Variants in TOX observed in about 807,000 individuals in gnomAD.
TOX encodes thymocyte selection-associated high mobility group box protein TOX.
Under a neutral mutation model 53.7 loss-of-function variants are expected in TOX, and 11 were observed. The observed-to-expected ratio is 0.20, with a 90% confidence interval of 0.13 to 0.34. The LOEUF is 0.34. Among genes scored for constraint, TOX ranks in the 10% least tolerant of loss-of-function variants. The pLI, the probability that TOX is intolerant of heterozygous loss-of-function variation, is 1.00. For synonymous variants in TOX, 225 were observed against 245.3 expected (o/e 0.92, Z 0.77); for missense variants, 570 against 664.6 (o/e 0.86, Z 1.56).
At chr8:59,101,062 C>T (rs905977677) in intron 1 of TOX, among the ~76,000 whole-genome samples, 32 of 152,100 alleles carry the variant, frequency 2.1e-4, no homozygotes, top group Non-Finnish European at 3.5e-4. Flanking sequence ...GTTCTACTCT[C>T]GGTCATCTCA....
At chr8:59,111,051 A>T (rs1001920518) in intron 1 of TOX, among the ~76,000 whole-genome samples, 1 of 152,176 alleles carries the variant, frequency 6.6e-6, no homozygotes, top group African/African-American at 2.4e-5. Context: ...TACTGGATAT[A>T]TGGAAGACTG....
intron 6 of TOX, among the ~76,000 whole-genome samples, chr8:58,821,657 T>C (rs1448958134): frequency 2.0e-5 from 3 of 152,178 alleles, no homozygotes; most frequent in African/African-American, 7.2e-5. Context: ...TCTATGAAAT[T>C]GACTATTCTA....
intron 1 of TOX, among the ~76,000 whole-genome samples, chr8:58,991,113 C>T (rs1027642342): frequency 3.3e-5 from 5 of 152,144 alleles, no homozygotes; most frequent in Admixed American, 1.3e-4. Flanking sequence ...GGCAGAAGGT[C>T]CCAGAGTCGA....
chr8:59,119,088 G>A lies in TOX; in HGVS notation c.-101C>T. On this transcript the variant is annotated 5_prime_UTR_variant, in exon 1 of 9. Transcript: ENST00000361421. The stretch of plus-strand genomic sequence containing the variant: ...GAACAGAGTGAGGTGTCTGGGCTCA[G>A]GAGTAAAAGAAACACCTTCCTTCCC... 1 of 713,966 alleles carries A rather than the reference G, an allele frequency of 1.4e-6. No individual in the cohort carries two copies. Among genetic ancestry groups the A allele is most frequent in the Non-Finnish European group, 2.3e-6 (1 of 426,650 alleles). The allele number at this position is 713,966 out of a possible 1,614,324, so 44.2% of individuals were successfully genotyped here.
intron 1 of TOX, among the ~76,000 whole-genome samples, chr8:59,021,481 A>AAATATATATATAT (rs59174995): frequency 1.7e-4 from 11 of 64,728 alleles, no homozygotes; most frequent in South Asian, 5.7e-4. Context: ...AAAAAAAAAA[A>AAATATATATATAT]ATATATATAT....
intron 3 of TOX, among the ~76,000 whole-genome samples, chr8:58,913,563 C>T (rs1006711873): frequency 4.6e-5 from 7 of 152,180 alleles, no homozygotes; most frequent in Admixed American, 1.3e-4. Flanking sequence ...CTTGGTGCTT[C>T]ACCTGTGGGG....
intron 1 of TOX, among the ~76,000 whole-genome samples, chr8:58,991,081 T>G (rs1477992166): frequency 6.6e-6 from 1 of 152,170 alleles, no homozygotes; most frequent in Non-Finnish European, 1.5e-5. Flanking sequence ...AGAAAGGAAG[T>G]GTACAGCTAG....
intron 7 of TOX, among the ~76,000 whole-genome samples, chr8:58,809,443 C>T (rs181524738): frequency 6.6e-6 from 1 of 152,316 alleles, no homozygotes; most frequent in East Asian, 1.9e-4. Flanking sequence ...ATTCTCATTT[C>T]TCATTATTCA....
At chr8:58,913,031 G>T (rs533761933) in intron 3 of TOX, among the ~76,000 whole-genome samples, 1 of 152,270 alleles carries the variant, frequency 6.6e-6, no homozygotes, top group East Asian at 1.9e-4. Context: ...CACACTCAAG[G>T]TTCTCTACGA....
At chr8:59,075,945 C>T (rs997472164) in intron 1 of TOX, among the ~76,000 whole-genome samples, 3 of 149,910 alleles carry the variant, frequency 2.0e-5, no homozygotes, top group Admixed American at 6.7e-5. Flanking sequence ...GCGGAGGTTG[C>T]GGTGAGCCCA....
chr8:58,949,701 A>C (rs1421621497), intron 2 of TOX, among the ~76,000 whole-genome samples: 1 of 152,046 alleles, frequency 6.6e-6, no homozygotes, highest in East Asian at 1.9e-4. Flanking sequence ...AGTTTTAATA[A>C]ATTTTTATTT....
intron 2 of TOX, among the ~76,000 whole-genome samples, chr8:58,942,053 CA>C (rs35861451): frequency 0.51 from 54,539 of 106,140 alleles, 10,405 homozygotes; most frequent in East Asian, 0.66. Context: ...GACTCTGTCT[CA>C]AAAAAAAAAA....
chr8:58,912,045 C>T (rs1195482670), intron 3 of TOX, among the ~76,000 whole-genome samples: 4 of 152,192 alleles, frequency 2.6e-5, no homozygotes, highest in Admixed American at 6.5e-5. Context: ...CCCCAGCCTT[C>T]GGCTAAAATG....
intron 1 of TOX, among the ~76,000 whole-genome samples, chr8:59,079,355 A>T (rs1261604802): frequency 6.6e-6 from 1 of 152,218 alleles, no homozygotes; most frequent in African/African-American, 2.4e-5. Flanking sequence ...CCTTCCCAGC[A>T]GCCCCTCCCA....
chr8:58,931,613 CA>C (rs761253085), intron 3 of TOX, among the ~76,000 whole-genome samples: 1 of 152,134 alleles, frequency 6.6e-6, no homozygotes, highest in Non-Finnish European at 1.5e-5. Flanking sequence ...CTTAATGTTA[CA>C]AGGTTAATTA....
intron 3 of TOX, among the ~76,000 whole-genome samples, chr8:58,869,213 G>A (rs531390791): frequency 1.1e-4 from 14 of 124,480 alleles, no homozygotes; most frequent in South Asian, 1.1e-3. Context: ...GCAACAGAGC[G>A]AGACTGCGTC....
At chr8:58,921,939 C>T (rs1812082222) in intron 3 of TOX, among the ~76,000 whole-genome samples, 1 of 152,158 alleles carries the variant, frequency 6.6e-6, no homozygotes, top group African/African-American at 2.4e-5. Context: ...CTACGGACTC[C>T]TAGATTTTAT....
At chr8:59,050,716 C>T (rs978405223) in intron 1 of TOX, among the ~76,000 whole-genome samples, 2 of 152,212 alleles carry the variant, frequency 1.3e-5, no homozygotes, top group South Asian at 4.2e-4. Context: ...ATTTGCATCA[C>T]CTAACATTTG....
At position 58,915,242 on chromosome 8, in the gene TOX, G is replaced by A. The variant is rs1331219504; in HGVS notation, c.411+24060C>T. ...GCCTGCCTCTGTAGGCTCCACCTCT[G>A]GGGGCAGGGCACAGACAAACAAAAA... On this transcript the variant is annotated intron_variant, in intron 3 of 8. Transcript: ENST00000361421. Among the ~76,000 whole-genome samples, 13 of 147,530 alleles carry A rather than the reference G, an allele frequency of 8.8e-5. No individual in the cohort carries two copies. The East Asian group carries it at 2.4e-3, about 28-fold the overall frequency.
Sources: gnomAD v4.1 joint callset for allele counts (sites outside exome capture counted in the v4.1 genomes callset) on GRCh38, gnomAD v4.1.1 for gene constraint, MANE v1.5 for transcripts, NCBI Gene and HGNC (gene_info 2026-07-23, HGNC 2026-07-21) for gene names.